FHIT: variants seen among roughly 807,000 people sequenced by gnomAD.
FHIT encodes fragile histidine triad diadenosine triphosphatase.
In FHIT, 19 loss-of-function variants were observed where a neutral mutation model predicts 17.9. The ratio of observed to expected loss-of-function variants is 1.06; its 90% confidence interval spans 0.74 to 1.56. FHIT has a LOEUF of 1.56. Ranked by LOEUF, FHIT falls within the 40% of genes most tolerant of loss-of-function variation. The pLI is 0.00. For missense variants in FHIT, 248 were observed against 189.2 expected, an observed-to-expected ratio of 1.31 and a Z score of -1.82; for synonymous variants, 81 against 69.7, an observed-to-expected ratio of 1.16 and a Z score of -0.81.
intron 5 of FHIT, among the ~76,000 whole-genome samples, chr3:60,033,958 G>A (rs568673550): frequency 6.6e-6 from 1 of 152,236 alleles, no homozygotes; most frequent in East Asian, 1.9e-4. Flanking sequence ...CTAAGAACAG[G>A]CTCTGGGAAG....
chr3:60,833,342 A>G (rs2250114), intron 3 of FHIT, among the ~76,000 whole-genome samples: 29,311 of 152,128 alleles, frequency 0.19, 3,049 homozygotes, highest in Middle Eastern at 0.29. Flanking sequence ...CTGGGGACTG[A>G]TTAGCAGTTA....
chr3:59,875,704 T>C (rs997229001), intron 8 of FHIT, among the ~76,000 whole-genome samples: 1 of 152,202 alleles, frequency 6.6e-6, no homozygotes, highest in Non-Finnish European at 1.5e-5. Flanking sequence ...GAGGCCATTA[T>C]TCATGGGTTA....
At chr3:60,426,113 TTTGAATC>T (rs1473237654) in intron 5 of FHIT, among the ~76,000 whole-genome samples, 4 of 152,148 alleles carry the variant, frequency 2.6e-5, no homozygotes, top group African/African-American at 4.8e-5. Flanking sequence ...ACTTCCTGGA[TTTGAATC>T]TCAACTCTAC....
chr3:60,324,437 T>C lies in FHIT; in HGVS notation c.103+212423A>G, dbSNP rs1434873493. On this transcript the variant is annotated intron_variant, in intron 5 of 9. Transcript: ENST00000492590. ...GTCTCTACTAAAAATACAAAAAAAT[T>C]AGCCGGGCGTGGTGGCGGGTGCCTA... Among the ~76,000 whole-genome samples the C allele has an allele frequency of 2.0e-5, 3 of 151,958 alleles. No homozygotes were observed. In the East Asian group the frequency reaches 5.8e-4, roughly 29 times the overall value.
chr3:59,963,206 G>A lies in FHIT; in HGVS notation c.280-40792C>T, dbSNP rs568518730. Among the ~76,000 whole-genome samples, 694 of 151,970 alleles carry A rather than the reference G, an allele frequency of 4.6e-3. 7 individuals are homozygous for A. The highest frequency in any genetic ancestry group is 0.015 in the African/African-American group (632 of 41,420). On this transcript the variant is annotated intron_variant, in intron 7 of 9. Coordinates refer to ENST00000492590, the MANE Select transcript of FHIT (RefSeq NM_002012.4). ...GGCGTGAACCCAGGAGGTGGAGTTC[G>A]CAATGAGCCGAGATCACACCACTGC...
At chr3:60,355,891 G>T (rs762552812) in intron 5 of FHIT, among the ~76,000 whole-genome samples, 1 of 152,036 alleles carries the variant, frequency 6.6e-6, no homozygotes, top group African/African-American at 2.4e-5. Flanking sequence ...AGTGAAAATT[G>T]TTCCTTATCT....
intron 5 of FHIT, among the ~76,000 whole-genome samples, chr3:60,333,142 C>T (rs1710067859): frequency 6.6e-6 from 1 of 152,200 alleles, no homozygotes; most frequent in Non-Finnish European, 1.5e-5. Context: ...GGCTGAATTA[C>T]TTAACAGAAA....
At chr3:61,213,148 C>T (rs899332554) in intron 1 of FHIT, among the ~76,000 whole-genome samples, 1 of 152,168 alleles carries the variant, frequency 6.6e-6, no homozygotes, top group African/African-American at 2.4e-5. Flanking sequence ...CAAATTCACA[C>T]ATAACAATAT....
intron 4 of FHIT, among the ~76,000 whole-genome samples, chr3:60,615,023 T>A (rs1395837782): frequency 2.0e-5 from 3 of 151,934 alleles, no homozygotes; most frequent in African/African-American, 7.2e-5. Flanking sequence ...AGAGACAGGG[T>A]TTCACCATGT....
chr3:60,279,902 G>A (rs959901764), intron 5 of FHIT, among the ~76,000 whole-genome samples: 5 of 151,788 alleles, frequency 3.3e-5, no homozygotes, highest in Non-Finnish European at 7.4e-5. Flanking sequence ...TATGGTGGCA[G>A]GCACTTCTAG....
chr3:60,458,733 C>A lies in FHIT; in HGVS notation c.103+78127G>T, dbSNP rs73100212. ...AAAAGCTGATACAGGAGTCATACAT[C>A]ATTCAATTACGTTCTTCATGATATG... is the stretch of plus-strand genomic sequence containing the variant. On this transcript the variant is annotated intron_variant, in intron 5 of 9. Coordinates refer to ENST00000492590, the MANE Select transcript of FHIT (RefSeq NM_002012.4). 6.8e-3 allele frequency among the ~76,000 whole-genome samples: 1,037 copies of A among 152,160 alleles called. 5 individuals carry two copies. Among genetic ancestry groups the A allele is most frequent in the Non-Finnish European group, 0.011 (777 of 68,026 alleles).
intron 5 of FHIT, among the ~76,000 whole-genome samples, chr3:60,100,093 A>C (rs768688557): frequency 6.6e-6 from 1 of 152,184 alleles, no homozygotes; most frequent in African/African-American, 2.4e-5. Context: ...TCAACTGGAC[A>C]GTCTGTTCTC....
At chr3:60,961,990 A>G (rs1243397070) in intron 3 of FHIT, among the ~76,000 whole-genome samples, 1 of 152,076 alleles carries the variant, frequency 6.6e-6, no homozygotes, top group African/African-American at 2.4e-5. Context: ...CTTGATGGGG[A>G]TGGCGTTGAA....
chr3:60,336,617 A>C (rs1275414508), intron 5 of FHIT, among the ~76,000 whole-genome samples: 1 of 152,200 alleles, frequency 6.6e-6, no homozygotes, highest in Admixed American at 6.5e-5. Context: ...TGGCTATTTA[A>C]ATTAACAAAA....
chr3:60,444,286 C>T (rs947615174), intron 5 of FHIT, among the ~76,000 whole-genome samples: 5 of 152,168 alleles, frequency 3.3e-5, no homozygotes, highest in South Asian at 2.1e-4. Flanking sequence ...GTCAGTGTGG[C>T]GGTTCCTCAG....
chr3:60,633,660 G>A (rs2039504650), intron 4 of FHIT, among the ~76,000 whole-genome samples: 1 of 152,176 alleles, frequency 6.6e-6, no homozygotes, highest in Non-Finnish European at 1.5e-5. Context: ...AAAGGAAACT[G>A]TATGCTACTC....
At chr3:60,166,118 T>A (rs1464758187) in intron 5 of FHIT, among the ~76,000 whole-genome samples, 1 of 151,942 alleles carries the variant, frequency 6.6e-6, no homozygotes, top group Non-Finnish European at 1.5e-5. Context: ...ATCATGAGAA[T>A]CAATTAAAAA....
At chr3:60,025,390 C>A (rs1444186051) in intron 5 of FHIT, among the ~76,000 whole-genome samples, 2 of 152,118 alleles carry the variant, frequency 1.3e-5, no homozygotes, top group Non-Finnish European at 2.9e-5. Context: ...CAGAAGAATT[C>A]TTTGAAGATT....
intron 5 of FHIT, among the ~76,000 whole-genome samples, chr3:60,474,020 C>T (rs2033221409): frequency 6.6e-6 from 1 of 152,060 alleles, no homozygotes; most frequent in Admixed American, 6.5e-5. Flanking sequence ...TTTAAAGAAC[C>T]TCATACTCAG....
Sources: gnomAD v4.1 joint callset for allele counts (sites outside exome capture counted in the v4.1 genomes callset) on GRCh38, gnomAD v4.1.1 for gene constraint, MANE v1.5 for transcripts, NCBI Gene and HGNC (gene_info 2026-07-23, HGNC 2026-07-21) for gene names.